Variants in RAD23B observed in about 807,000 individuals in gnomAD.
The protein encoded by RAD23B is RAD23 nucleotide excision repair protein B.
In RAD23B, 5 loss-of-function variants were observed where a neutral mutation model predicts 49.1. The ratio of observed to expected loss-of-function variants is 0.10; its 90% CI spans 0.05 to 0.21. The LOEUF is 0.21. RAD23B is among the 10% of genes least tolerant of loss of function. The pLI is 1.00. For missense variants in RAD23B, 356 were observed against 486.7 expected (o/e 0.73, Z 2.53); for synonymous variants, 184 against 165.4 (o/e 1.11, Z -0.86).
chr9:107,319,123 T>TTTTTC, intron 6 of RAD23B, among the ~76,000 whole-genome samples: 2 of 103,692 alleles, frequency 1.9e-5, no homozygotes, highest in African/African-American at 8.2e-5. Flanking sequence ...AAAAATTTCT[T>TTTTTC]TTTTCTTTTT....
chr9:107,304,556 C>T (rs116700441), intron 3 of RAD23B, among the ~76,000 whole-genome samples: 2,391 of 152,294 alleles, frequency 0.016, 68 homozygotes, highest in African/African-American at 0.054. Context: ...TATCACCTTT[C>T]ACTAACCTTT....
At chr9:107,289,781 T>C (rs1317846265) in intron 1 of RAD23B, among the ~76,000 whole-genome samples, 1 of 152,172 alleles carries the variant, frequency 6.6e-6, no homozygotes, top group African/African-American at 2.4e-5. Context: ...TATTGGTATA[T>C]GGGTTTTGAA....
intron 3 of RAD23B, among the ~76,000 whole-genome samples, chr9:107,306,081 C>CA (rs1564245586): frequency 5.3e-5 from 4 of 75,098 alleles, no homozygotes; most frequent in Non-Finnish European, 5.3e-5. Context: ...ATCTATATAT[C>CA]TATATATATT....
At chr9:107,309,691 G>A (rs570200919) in intron 4 of RAD23B, among the ~76,000 whole-genome samples, 4 of 152,128 alleles carry the variant, frequency 2.6e-5, no homozygotes, top group Non-Finnish European at 4.4e-5. Context: ...CAGCACTTTG[G>A]GAGGCAGAGG....
chr9:107,294,707 C>T (rs11573640), intron 1 of RAD23B, among the ~76,000 whole-genome samples: 40 of 152,258 alleles, frequency 2.6e-4, no homozygotes, highest in East Asian at 1.7e-3. Flanking sequence ...TAGGACATCC[C>T]GTGAAGGTGT....
At chr9:107,297,618 G>A (rs898914264) in intron 1 of RAD23B, among the ~76,000 whole-genome samples, 4 of 152,038 alleles carry the variant, frequency 2.6e-5, no homozygotes, top group Non-Finnish European at 5.9e-5. Flanking sequence ...GATTACAGGC[G>A]TGAACCACTG....
At chr9:107,323,748 A>G in intron 7 of RAD23B, 142 bp from the exon 8 acceptor site, 3 of 832,168 alleles carry the variant, frequency 3.6e-6, no homozygotes, top group Non-Finnish European at 3.8e-6. Context: ...GGAAGATTTC[A>G]TCATTATTTA....
In RAD23B at chr9:107,323,881, G is replaced by A. The variant is rs1188609495; in HGVS notation, c.818-9G>A. 1 of 1,600,226 alleles carries A rather than the reference G, an allele frequency of 6.2e-7. No homozygotes were observed. Among genetic ancestry groups the A allele is most frequent in the Admixed American group, 1.7e-5 (1 of 59,994 alleles). On this transcript the variant is annotated splice_polypyrimidine_tract_variant and intron_variant, in intron 7 of 9. Transcript: ENST00000358015. Reference sequence around the variant, plus strand: ...TGCTTTTGTTTAGAAATGTTTATGTGTATTTTAGGACATCCCCTTGAATTT... The same window carrying A: ...TGCTTTTGTTTAGAAATGTTTATGTATATTTTAGGACATCCCCTTGAATTT...
chr9:107,296,155 T>C lies in RAD23B; in HGVS notation c.67-3986T>C, dbSNP rs190798827. Among the ~76,000 whole-genome samples the C allele has an allele frequency of 2.3e-4, 35 of 152,308 alleles. 2 individuals are homozygous for C. Among genetic ancestry groups the C allele is most frequent in the Admixed American group, 2.1e-3 (32 of 15,298 alleles). ...GTAAAGATCACTGTTTTGTTCAAGG[T>C]AAGGAACAATGCCAGAATTTTAGAC... On this transcript the variant is annotated intron_variant, in intron 1 of 9. Transcript: ENST00000358015.
Position 107,331,682 on chromosome 9 carries a change from C to G in RAD23B, c.*2026C>G, listed in dbSNP as rs766825572. ...CTGTCTACTCAGATCATAGTGAAAA[C>G]TGGAAACAAAAAAAAAAAACAGCCT... On this transcript the variant is annotated 3_prime_UTR_variant, in exon 10 of 10. Transcript: ENST00000358015. The G allele has an allele frequency of 1.2e-5, 8 of 665,038 alleles. No homozygotes were observed. The highest frequency in any genetic ancestry group is 1.2e-4 in the South Asian group (8 of 69,452). The allele number at this position is 665,038 out of a possible 1,614,324, so 41.2% of individuals were successfully genotyped here.
chr9:107,318,459 A>G lies in RAD23B; in HGVS notation c.554-293A>G, dbSNP rs1468765878. Among the ~76,000 whole-genome samples the G allele has an allele frequency of 6.6e-6, 1 of 152,194 alleles. No homozygotes were observed. Among genetic ancestry groups the G allele is most frequent in the Admixed American group, 6.5e-5 (1 of 15,270 alleles). ...ATGTCATTACACTGGACCCACCTGG[A>G]TAATCCAGAATGAGGTCTCTGTCTT... is the stretch of plus-strand genomic sequence containing the variant. On this transcript the variant is annotated intron_variant, in intron 5 of 9. Transcript: ENST00000358015. The surrounding 1 kb of genome is among the most constrained non-coding windows in gnomAD (Gnocchi z 4.3).
Position 107,311,705 on chromosome 9 carries a change from C to A in RAD23B, c.521C>A (p.Ser174Ter). The change falls in exon 5 of 10, where the codon TCA becomes TAA. Residue 174 changes from serine (S) to a stop codon, truncating the protein, a stop_gained. Transcript: ENST00000358015. LOFTEE classifies it high-confidence loss of function. Reference protein sequence around the residue: ...TDSTSGDSSRSNLFEDATSAL... With the variant: ...TDSTSGDSSR ...AGTACATCGGGTGATTCTTCTCGGT[C>A]AAACCTTTTTGAAGATGCAACGAGT... 6.4e-7 allele frequency: 1 copy of A among 1,569,078 alleles called. No individual in the cohort carries two copies. Among genetic ancestry groups the A allele is most frequent in the South Asian group, 1.2e-5 (1 of 82,180 alleles).
chr9:107,296,620 GC>G (rs1455199261), intron 1 of RAD23B, among the ~76,000 whole-genome samples: 2 of 151,758 alleles, frequency 1.3e-5, no homozygotes, highest in African/African-American at 4.8e-5. Context: ...AGGCTAGAGT[GC>G]AGTGGCATGA....
chr9:107,304,395 C>T (rs572269500), intron 3 of RAD23B, among the ~76,000 whole-genome samples: 1 of 152,228 alleles, frequency 6.6e-6, no homozygotes, highest in East Asian at 1.9e-4. Context: ...CCAGTTTATC[C>T]AGAATAACTG....
chr9:107,284,914 G>A, intron 1 of RAD23B: 2 of 1,295,588 alleles, frequency 1.5e-6, no homozygotes, highest in Non-Finnish European at 2.0e-6. Context: ...AGATTAGATG[G>A]TATGTATTTA....
intron 4 of RAD23B, among the ~76,000 whole-genome samples, chr9:107,307,196 G>T (rs746218038): frequency 2.0e-4 from 30 of 152,140 alleles, no homozygotes; most frequent in Admixed American, 3.3e-4. Flanking sequence ...AGAAATTCAG[G>T]CTTCTGCCTG....
intron 1 of RAD23B, among the ~76,000 whole-genome samples, chr9:107,289,766 T>A (rs1833346041): frequency 6.6e-6 from 1 of 152,232 alleles, no homozygotes; most frequent in Non-Finnish European, 1.5e-5. Context: ...ATGAAAGTAC[T>A]AACTTATTGG....
intron 5 of RAD23B, among the ~76,000 whole-genome samples, chr9:107,315,829 C>G (rs1186801783): frequency 6.6e-6 from 1 of 151,892 alleles, no homozygotes; most frequent in Non-Finnish European, 1.5e-5. Context: ...GTTCTTTTTA[C>G]AAGTCATTTG....
At chr9:107,311,811 A>G in intron 5 of RAD23B, 74 bp downstream of exon 5, 1 of 1,138,486 alleles carries the variant, frequency 8.8e-7, no homozygotes, top group East Asian at 2.6e-5. Flanking sequence ...AGATCATGAT[A>G]AAAGTGTTAA....
Sources: gnomAD v4.1 joint callset for allele counts (sites outside exome capture counted in the v4.1 genomes callset) on GRCh38, gnomAD v4.1.1 for gene constraint, Gnocchi (gnomAD v3.1) non-coding constraint, MANE v1.5 for transcripts, NCBI Gene and HGNC (gene_info 2026-07-23, HGNC 2026-07-21) for gene names.